The following DMD variants were observed in gnomAD, a reference collection of about 807,000 sequenced individuals.
DMD encodes the protein dystrophin, also known as mutant dystrophin.
In DMD, 63 loss-of-function variants were observed where a neutral mutation model predicts 330.1. The observed-to-expected ratio is 0.19, with a 90% confidence interval of 0.16 to 0.24. The LOEUF is 0.24. DMD is among the 10% of genes least tolerant of loss of function. The probability of loss-of-function intolerance (pLI) is 1.00; values close to 1 mark genes in which losing one functional copy is unlikely to be tolerated. For synonymous variants in DMD, 1,223 were observed against 959.8 expected (o/e 1.27, Z -5.07); for missense variants, 3,344 against 2,684.1 (o/e 1.25, Z -5.43).
chrX:32,898,381 C>A (rs1406195079), intron 2 of DMD, among the ~76,000 whole-genome samples: 2 of 112,070 alleles, frequency 1.8e-5, no homozygotes, highest in Admixed American at 1.9e-4. Flanking sequence ...AAAATCAGGG[C>A]TTGGCCTGGG....
intron 20 of DMD, among the ~76,000 whole-genome samples, chrX:32,488,278 C>A (rs1165191462): frequency 9.0e-6 from 1 of 111,349 alleles, no homozygotes. Context: ...TCCTTTGAGT[C>A]TGTTTATTCT....
chrX:31,684,709 T>C (rs1212238782), intron 52 of DMD, among the ~76,000 whole-genome samples: 2 of 112,058 alleles, frequency 1.8e-5, no homozygotes, highest in East Asian at 5.6e-4. Context: ...CTTAGAACAA[T>C]TAAGAGGAAT....
At chrX:32,838,568 A>C (rs950827114) in intron 4 of DMD, among the ~76,000 whole-genome samples, 1 of 112,006 alleles carries the variant, frequency 8.9e-6, no homozygotes, top group African/African-American at 3.2e-5. Context: ...CCTGCAAAGG[A>C]CATGAACTCA....
chrX:31,997,432 T>TTG (rs1285760072), intron 44 of DMD, among the ~76,000 whole-genome samples: 2 of 108,393 alleles, frequency 1.8e-5, no homozygotes, highest in Non-Finnish European at 3.8e-5. Context: ...TTTTTTGTTT[T>TTG]TTGTTTTTTT....
rs935576250 is a variant in DMD at position 31,120,334 on chromosome X, T to G, written c.*1585A>C. On this transcript the variant is annotated 3_prime_UTR_variant, in exon 79 of 79. Coordinates refer to ENST00000357033, the MANE Select transcript of DMD (RefSeq NM_004006.3). ...CCAAGAAGGGTTTTTTTGTAACATTTGAATCAATTTGCCTTCTTTCTTACT... is the reference window on the plus strand; with the variant it reads ...CCAAGAAGGGTTTTTTTGTAACATTGGAATCAATTTGCCTTCTTTCTTACT... 3 of 108,632 alleles carry G rather than the reference T, an allele frequency of 2.8e-5. No individual in the cohort carries two copies. The highest frequency in any genetic ancestry group is 7.0e-5 in the African/African-American group (2 of 28,641). The allele number at this position is 108,632 out of a possible 1,213,427, so 9.0% of individuals were successfully genotyped here.
At chrX:32,718,178 G>A (rs1285410163) in intron 7 of DMD, among the ~76,000 whole-genome samples, 4 of 111,237 alleles carry the variant, frequency 3.6e-5, no homozygotes, top group Non-Finnish European at 7.5e-5. Context: ...GAACGATATA[G>A]TTTGGCACTG....
chrX:33,248,666 T>A (rs774807449), intron 1 of DMD, among the ~76,000 whole-genome samples: 1 of 112,272 alleles, frequency 8.9e-6, no homozygotes, highest in Non-Finnish European at 1.9e-5. Context: ...ATTTATGGCA[T>A]AATTACCAGA....
At chrX:31,588,274 T>G (rs748784445) in intron 55 of DMD, among the ~76,000 whole-genome samples, 1 of 111,681 alleles carries the variant, frequency 9.0e-6, no homozygotes, top group South Asian at 3.7e-4. Flanking sequence ...CTTGTAAACT[T>G]GCTCCCTTGT....
intron 59 of DMD, among the ~76,000 whole-genome samples, chrX:31,456,316 C>G (rs776482764): frequency 1.8e-5 from 2 of 112,115 alleles, no homozygotes; most frequent in East Asian, 5.6e-4. Flanking sequence ...AGTTCCTATT[C>G]AGGCTAGTCC....
At chrX:31,242,248 C>A (rs1183476292) in intron 63 of DMD, among the ~76,000 whole-genome samples, 2 of 75,548 alleles carry the variant, frequency 2.6e-5, no homozygotes, top group African/African-American at 5.3e-5. Context: ...AAAGTGAGAC[C>A]CTGTCTCAAA....
At chrX:33,020,847 T>C (rs959530429) in intron 1 of DMD, among the ~76,000 whole-genome samples, 3 of 111,104 alleles carry the variant, frequency 2.7e-5, no homozygotes, top group African/African-American at 9.8e-5. Context: ...CGAAAAACTA[T>C]TTCGGAGCCT....
At chrX:33,149,641 A>G (rs925922230) in intron 1 of DMD, among the ~76,000 whole-genome samples, 8 of 111,654 alleles carry the variant, frequency 7.2e-5, no homozygotes, top group African/African-American at 2.6e-4. Flanking sequence ...AAGTTCAACA[A>G]TCCTGGGTCT....
chrX:31,830,470 T>A (rs763767766), intron 49 of DMD, among the ~76,000 whole-genome samples: 7 of 110,885 alleles, frequency 6.3e-5, no homozygotes, highest in Non-Finnish European at 1.3e-4. Flanking sequence ...GGTGGGCGCC[T>A]GTAATCCCAG....
At chrX:32,809,074 A>G (rs1005640100) in intron 7 of DMD, among the ~76,000 whole-genome samples, 2 of 112,327 alleles carry the variant, frequency 1.8e-5, no homozygotes, top group African/African-American at 6.5e-5. Flanking sequence ...CCTGATTTAA[A>G]TAGTAAACCA....
intron 2 of DMD, among the ~76,000 whole-genome samples, chrX:32,983,855 C>T (rs2092775655): frequency 9.0e-6 from 1 of 111,014 alleles, no homozygotes; most frequent in African/African-American, 3.3e-5. Flanking sequence ...AATTGAGAAT[C>T]ATCTTGCTCT....
At chrX:32,352,628 T>TA (rs1459571231) in intron 37 of DMD, among the ~76,000 whole-genome samples, 1 of 111,081 alleles carries the variant, frequency 9.0e-6, no homozygotes, top group African/African-American at 3.3e-5. Flanking sequence ...CATAACATTG[T>TA]AAAGAACTAA....
At chrX:32,997,176 A>G (rs1944229548) in intron 2 of DMD, among the ~76,000 whole-genome samples, 1 of 110,473 alleles carries the variant, frequency 9.1e-6, no homozygotes, top group South Asian at 3.8e-4. Flanking sequence ...CTTTTAAAAA[A>G]TTTTGTATTT....
intron 34 of DMD, among the ~76,000 whole-genome samples, chrX:32,367,110 A>G (rs1191180376): frequency 8.9e-6 from 1 of 112,188 alleles, no homozygotes; most frequent in Non-Finnish European, 1.9e-5. Context: ...GGAGATTATT[A>G]GAAGTCTCTC....
chrX:32,533,592 G>T (rs1369862305), intron 17 of DMD, among the ~76,000 whole-genome samples: 1 of 112,186 alleles, frequency 8.9e-6, no homozygotes, highest in African/African-American at 3.2e-5. Context: ...GACAGTTTAT[G>T]CTGGGTGCAA....
Sources: gnomAD v4.1 joint callset for allele counts (sites outside exome capture counted in the v4.1 genomes callset) on GRCh38, gnomAD v4.1.1 for gene constraint, MANE v1.5 for transcripts, NCBI Gene and HGNC (gene_info 2026-07-23, HGNC 2026-07-21) for gene names.